SRGAP3: variants seen among roughly 807,000 people sequenced by gnomAD.
The protein encoded by SRGAP3 is SLIT-ROBO Rho GTPase-activating protein 3.
A neutral mutation model predicts 121.1 loss-of-function variants in SRGAP3; 39 were observed. The ratio of observed to expected loss-of-function variants is 0.32; its 90% confidence interval spans 0.25 to 0.42. SRGAP3 has a LOEUF of 0.42. Among genes scored for constraint, SRGAP3 ranks in the 10% least tolerant of loss-of-function variants. The probability of loss-of-function intolerance (pLI) is 1.00; values close to 1 mark genes in which losing one functional copy is unlikely to be tolerated. For missense variants in SRGAP3, 1,213 were observed against 1,470.6 expected (o/e 0.82, Z 2.86); for synonymous variants, 601 against 570.0 (o/e 1.05, Z -0.77).
intron 2 of SRGAP3, among the ~76,000 whole-genome samples, chr3:9,118,065 G>C (rs946602815): frequency 7.2e-5 from 11 of 152,052 alleles, no homozygotes; most frequent in Non-Finnish European, 1.0e-4. Context: ...CCAGAAGTTT[G>C]AGACTGCAGT....
At chr3:9,149,213 CAAA>C (rs548286364) in intron 1 of SRGAP3, among the ~76,000 whole-genome samples, 3 of 56,600 alleles carry the variant, frequency 5.3e-5, no homozygotes. Flanking sequence ...GACTCCGTCT[CAAA>C]AAAAAAAAAA....
chr3:8,987,463 G>A (rs1941781727), intron 21 of SRGAP3, among the ~76,000 whole-genome samples: 1 of 152,232 alleles, frequency 6.6e-6, no homozygotes, highest in South Asian at 2.1e-4. Flanking sequence ...AACAGATGGT[G>A]GGGTTGGAGC....
At chr3:9,024,695 G>A (rs1222437212) in intron 14 of SRGAP3, among the ~76,000 whole-genome samples, 1 of 152,194 alleles carries the variant, frequency 6.6e-6, no homozygotes, top group Non-Finnish European at 1.5e-5. Context: ...CAGGGTTGGA[G>A]GGAGTGTATA....
intron 1 of SRGAP3, among the ~76,000 whole-genome samples, chr3:9,204,654 T>G (rs1208205106): frequency 6.7e-6 from 1 of 149,958 alleles, no homozygotes; most frequent in Non-Finnish European, 1.5e-5. Context: ...CTAAGGTCTT[T>G]TTTTTTTTTA....
chr3:9,269,160 G>A (rs1378145717), intron 3 of SRGAP3, among the ~76,000 whole-genome samples: 1 of 152,206 alleles, frequency 6.6e-6, no homozygotes, highest in African/African-American at 2.4e-5. Context: ...GAAAGCCTTT[G>A]TGTGGAAGGC....
At chr3:9,172,695 C>T (rs1475917391) in intron 1 of SRGAP3, among the ~76,000 whole-genome samples, 2 of 152,156 alleles carry the variant, frequency 1.3e-5, no homozygotes, top group Non-Finnish European at 2.9e-5. Context: ...AGGAGCTGGG[C>T]CTCTCCTGGG....
At chr3:9,060,120 G>A in intron 6 of SRGAP3, 111 bp downstream of exon 6, 2 of 1,544,402 alleles carry the variant, frequency 1.3e-6, no homozygotes, top group African/African-American at 1.4e-5. Context: ...AAAGAGCTGT[G>A]GCTACCCGAG....
At chr3:9,185,828 C>A (rs1007708799) in intron 1 of SRGAP3, among the ~76,000 whole-genome samples, 4 of 152,100 alleles carry the variant, frequency 2.6e-5, no homozygotes, top group Non-Finnish European at 4.4e-5. Flanking sequence ...TGAGCCACTG[C>A]ACCTGATTGA....
At chr3:9,095,676 T>C (rs1230987056) in intron 3 of SRGAP3, among the ~76,000 whole-genome samples, 2 of 152,242 alleles carry the variant, frequency 1.3e-5, no homozygotes, top group Non-Finnish European at 2.9e-5. Flanking sequence ...TTCTGTCCAA[T>C]TGATCAGTTT....
At chr3:9,185,358 C>T (rs1283940634) in intron 1 of SRGAP3, among the ~76,000 whole-genome samples, 3 of 152,080 alleles carry the variant, frequency 2.0e-5, no homozygotes, top group Admixed American at 6.6e-5. Context: ...AGCACCAAGA[C>T]GGGGCAGGGA....
chr3:9,176,062 C>T (rs554616113), intron 1 of SRGAP3, among the ~76,000 whole-genome samples: 2 of 152,308 alleles, frequency 1.3e-5, no homozygotes, highest in South Asian at 4.1e-4. Flanking sequence ...GCTGGGACTA[C>T]AGGCACGTGC....
At chr3:9,248,117 G>C (rs1417971410) in intron 1 of SRGAP3, among the ~76,000 whole-genome samples, 1 of 152,240 alleles carries the variant, frequency 6.6e-6, no homozygotes, top group Admixed American at 6.5e-5. Context: ...CTCCCGGCAG[G>C]CTTCTCCTGG....
rs570024566 is a variant in SRGAP3, at chr3:9,256,518, C to G, written n.442+69492G>C. Among the ~76,000 whole-genome samples, 3 of 152,040 alleles carry G rather than the reference C, an allele frequency of 2.0e-5. No individual in the cohort carries two copies. The South Asian group carries it at 6.2e-4, about 32-fold the overall frequency. ...ACCTAAACCATGTCCTGCAATCTAG[C>G]TTAAAGCTTACACTTTGAGAAGCAG... On this transcript the variant is annotated intron_variant and non_coding_transcript_variant, in intron 3 of 3. Transcript: ENST00000490889.
chr3:9,138,739 C>A (rs188839687), intron 1 of SRGAP3, among the ~76,000 whole-genome samples: 2 of 152,172 alleles, frequency 1.3e-5, no homozygotes, highest in African/African-American at 2.4e-5. Context: ...AGATACACAA[C>A]GCACAGTTTA....
intron 18 of SRGAP3, among the ~76,000 whole-genome samples, chr3:8,999,310 G>A (rs780930): frequency 0.58 from 88,407 of 152,132 alleles, 26,154 homozygotes; most frequent in African/African-American, 0.69. Flanking sequence ...ACACTGGTGC[G>A]GCCTCTGAAC....
chr3:9,065,338 C>T lies in SRGAP3; in HGVS notation c.487-757G>A, dbSNP rs1946377888. Reference sequence around the variant, plus strand: ...GAAGAAATTCTAGACATCATCTAATCCAACAACCTTCTAGTTTGACAAACA... The same window carrying T: ...GAAGAAATTCTAGACATCATCTAATTCAACAACCTTCTAGTTTGACAAACA... On this transcript the variant is annotated intron_variant, in intron 4 of 21. Transcript: ENST00000383836. 4 of 152,314 alleles carry T rather than the reference C, an allele frequency of 2.6e-5. No homozygotes were observed. The South Asian group carries it at 8.3e-4, about 32-fold the overall frequency. 9.4% of individuals were successfully genotyped at this position (152,314 alleles called of 1,614,324 possible). A position where few individuals can be genotyped will look rare whatever the true frequency, so the allele number is the denominator to read the frequency against.
At chr3:9,179,100 A>G (rs745346907) in intron 1 of SRGAP3, among the ~76,000 whole-genome samples, 66 of 152,066 alleles carry the variant, frequency 4.3e-4, no homozygotes, top group Non-Finnish European at 6.5e-4. Context: ...ACCATACACC[A>G]AGGCTTCAGG....
intron 1 of SRGAP3, among the ~76,000 whole-genome samples, chr3:9,360,625 G>A (rs764222098): frequency 3.9e-5 from 6 of 152,218 alleles, no homozygotes; most frequent in Non-Finnish European, 1.5e-5. Context: ...CACAATCATG[G>A]TGGAAGGTGA....
At chr3:9,322,562 C>G (rs530351196) in intron 3 of SRGAP3, among the ~76,000 whole-genome samples, 1 of 151,772 alleles carries the variant, frequency 6.6e-6, no homozygotes, top group African/African-American at 2.4e-5. Context: ...GTTGCATCGG[C>G]GTGGCATTAG....
Sources: allele counts gnomAD v4.1 joint callset (sites outside exome capture counted in the v4.1 genomes callset), GRCh38; gene constraint gnomAD v4.1.1; transcripts MANE v1.5; gene names NCBI Gene and HGNC (gene_info 2026-07-23, HGNC 2026-07-21).